The following ZNF284 variants were observed in gnomAD, a reference collection of about 807,000 sequenced individuals.
ZNF284 encodes the protein zinc finger protein 284.
In ZNF284, 12 loss-of-function variants were observed where a neutral mutation model predicts 12.9. That is an observed-to-expected ratio of 0.93 (90% CI 0.60 to 1.51). The LOEUF (loss-of-function observed/expected upper bound fraction) is 1.51, where lower values mean the gene tolerates loss of function less well. Ranked by LOEUF, ZNF284 falls within the 40% of genes most tolerant of loss-of-function variation. ZNF284 has a pLI of 0.00. For synonymous variants in ZNF284, 225 were observed against 236.5 expected (o/e 0.95, Z 0.45); for missense variants, 667 against 707.3 (o/e 0.94, Z 0.65).
chr19:44,073,561 T>TTTTTTTA (rs1966980885), intron 1 of ZNF284, among the ~76,000 whole-genome samples: 3 of 140,202 alleles, frequency 2.1e-5, no homozygotes, highest in South Asian at 4.7e-4. Flanking sequence ...TTTTTTTTTT[T>TTTTTTTA]GAGACAGAGT....
intron 4 of ZNF284, among the ~76,000 whole-genome samples, chr19:44,082,385 T>C (rs918941079): frequency 6.6e-6 from 1 of 152,200 alleles, no homozygotes; most frequent in Non-Finnish European, 1.5e-5. Context: ...TTACAACTGC[T>C]TTAAGTGCCT....
chr19:44,083,791 C>T (rs1055097053), intron 4 of ZNF284, among the ~76,000 whole-genome samples: 1 of 151,832 alleles, frequency 6.6e-6, no homozygotes, highest in African/African-American at 2.4e-5. Context: ...GCTATGTGTA[C>T]CGGTGTTAGA....
rs766942188 is a variant in ZNF284 at position 44,086,098 on chromosome 19, T to G, written c.620T>G (p.Val207Gly). The change falls in exon 5 of 5, where the codon GTG (valine) becomes GGG (glycine). Residue 207 changes from valine (V) to glycine (G), a missense_variant. Val to Gly is a moderately radical substitution (Grantham distance 109). Transcript: ENST00000421176. ...HMGEKRYKCD[V>G]CSKAFSQNSQ... ...GGAGAGAAACGCTATAAGTGTGATG[T>G]GTGTAGTAAGGCATTTAGTCAGAAC... is the stretch of plus-strand genomic sequence containing the variant. 1.9e-6 allele frequency: 3 copies of G among 1,614,222 alleles called. No individual in the cohort carries two copies. Among genetic ancestry groups the G allele is most frequent in the Non-Finnish European group, 2.5e-6 (3 of 1,180,042 alleles).
At chr19:44,080,026 G>A (rs1967096296) in intron 2 of ZNF284, among the ~76,000 whole-genome samples, 2 of 152,162 alleles carry the variant, frequency 1.3e-5, no homozygotes, top group Admixed American at 1.3e-4. Flanking sequence ...GCTTATTCCT[G>A]GAGAAAACTG....
chr19:44,083,450 A>ATATATATATATATATATATATATAT (rs1967159140), intron 4 of ZNF284, among the ~76,000 whole-genome samples: 1 of 60,356 alleles, frequency 1.7e-5, no homozygotes, highest in Non-Finnish European at 4.0e-5. Context: ...TAAATAAAGA[A>ATATATATATATATATATATATATAT]ATATATATAT....
intron 3 of ZNF284, among the ~76,000 whole-genome samples, chr19:44,081,619 G>A (rs1312096779): frequency 6.6e-6 from 1 of 152,124 alleles, no homozygotes; most frequent in Non-Finnish European, 1.5e-5. Context: ...GGCTGAGGCG[G>A]GTAAATGGCG....
rs140374593 is a variant in ZNF284 at position 44,082,838 on chromosome 19, C to T, written c.235+733C>T. 1.0e-3 allele frequency among the ~76,000 whole-genome samples: 157 copies of T among 152,250 alleles called. 1 individual carries two copies. Among genetic ancestry groups the T allele is most frequent in the African/African-American group, 3.5e-3 (144 of 41,546 alleles). Reference sequence around the variant, plus strand: ...TTGGGTCCCTTGCGATTGGATTGGTCACTCCTGCATAATCTAGAATGACCT... The same window carrying T: ...TTGGGTCCCTTGCGATTGGATTGGTTACTCCTGCATAATCTAGAATGACCT... On this transcript the variant is annotated intron_variant, in intron 4 of 4. Transcript: ENST00000421176.
At chr19:44,074,801 T>C (rs1312561717) in intron 1 of ZNF284, among the ~76,000 whole-genome samples, 4 of 152,166 alleles carry the variant, frequency 2.6e-5, no homozygotes, top group African/African-American at 9.7e-5. Flanking sequence ...AAACCCCATC[T>C]CTACTAAAAA....
rs1165894043 is a variant in ZNF284 at position 44,087,185 on chromosome 19, T to G, written c.1707T>G (p.Cys569Trp). 5.0e-6 allele frequency: 8 copies of G among 1,613,756 alleles called. No homozygotes were observed. The highest frequency in any genetic ancestry group is 6.8e-6 in the Non-Finnish European group (8 of 1,179,700). ...ACAGTGGAGAAAAAACATCCAAATG[T>G]GAGGACTGTGGGAAGCGCTACGAGA... ...SDHSGEKTSKCEDCGKRYERR... is the reference protein window; with the variant it reads ...SDHSGEKTSKWEDCGKRYERR... The change falls in exon 5 of 5, where the codon TGT becomes TGG. Residue 569 changes from cysteine (C) to tryptophan (W), a missense_variant. Cys to Trp is a radical substitution (Grantham distance 215). Transcript: ENST00000421176.
rs774348062 is a variant in ZNF284 at position 44,081,054 on chromosome 19, G to A, written c.55G>A (p.Glu19Lys). 5 of 1,612,872 alleles carry A rather than the reference G, an allele frequency of 3.1e-6. No homozygotes were observed. The highest frequency in any genetic ancestry group is 2.2e-5 in the East Asian group (1 of 44,858). The part of the protein sequence containing the change: ...TFKDVAVVFT[E>K]EELGLLDVSQ... ...CAAGGATGTGGCTGTGGTCTTCACC[G>A]AGGAGGAGCTGGGGCTGCTGGACGT... is the stretch of plus-strand genomic sequence containing the variant. The change falls in exon 3 of 5, where the codon GAG (glutamate) becomes AAG (lysine). Residue 19 changes from glutamate (E) to lysine (K), a missense_variant. Coordinates refer to ENST00000421176, the MANE Select transcript of ZNF284 (RefSeq NM_001037813.4).
intron 2 of ZNF284, 67 bp from the exon 3 acceptor site, chr19:44,080,948 T>C: frequency 6.4e-7 from 1 of 1,558,260 alleles, no homozygotes; most frequent in African/African-American, 1.4e-5. Flanking sequence ...CTTCACCTGC[T>C]CATTGCCACC....
intron 4 of ZNF284, 118 bp from the exon 5 acceptor site, chr19:44,085,596 A>G (rs1967219139): frequency 1.1e-6 from 1 of 937,694 alleles, no homozygotes. Context: ...CACTTGGAAA[A>G]CACAAACTGT....
chr19:44,075,177 T>A (rs1967008138), intron 1 of ZNF284, among the ~76,000 whole-genome samples: 1 of 152,178 alleles, frequency 6.6e-6, no homozygotes, highest in East Asian at 1.9e-4. Flanking sequence ...TTTCTTCTTT[T>A]GGTCCTTATA....
At chr19:44,082,945 A>G (rs1447145694) in intron 4 of ZNF284, among the ~76,000 whole-genome samples, 1 of 152,210 alleles carries the variant, frequency 6.6e-6, no homozygotes, top group African/African-American at 2.4e-5. Flanking sequence ...TAACAGGTTC[A>G]TAGGTCCTGG....
In ZNF284 at chr19:44,073,292, GAATCTAGTGGGGA is replaced by G. The variant is rs1253576415; in HGVS notation, c.-69+1004_-69+1016del. Among the ~76,000 whole-genome samples the G allele has an allele frequency of 4.6e-5, 7 of 152,322 alleles. No homozygotes were observed. The East Asian group carries it at 1.4e-3, about 29-fold the overall frequency. ...CTCATTGAGGCAGAGGAACTAGCTG[GAATCTAGTGGGGA>G]AAGCAAGCTAGGACTTGATTGAAGG... On this transcript the variant is annotated intron_variant, in intron 1 of 4. Transcript: ENST00000421176.
At chr19:44,078,002 C>A (rs1967060444) in intron 2 of ZNF284, among the ~76,000 whole-genome samples, 1 of 152,082 alleles carries the variant, frequency 6.6e-6, no homozygotes. Context: ...TCTTTAAATT[C>A]CTAATGGCAA....
chr19:44,087,366 T>A lies in ZNF284; in HGVS notation c.*106T>A, dbSNP rs185110000. On this transcript the variant is annotated 3_prime_UTR_variant, in exon 5 of 5. Coordinates refer to ENST00000421176, the MANE Select transcript of ZNF284 (RefSeq NM_001037813.4). ...ATCCATCACCTCCTTTATCATTTAT[T>A]TGTGGATCATTTATCATTTCTTTGT... 5.7e-3 allele frequency: 5,115 copies of A among 891,082 alleles called. 41 individuals carry two copies. Among genetic ancestry groups the A allele is most frequent in the South Asian group, 0.029 (1,134 of 39,180 alleles). The allele number at this position is 891,082 out of a possible 1,614,324, so 55.2% of individuals were successfully genotyped here. A position where few individuals can be genotyped will look rare whatever the true frequency, so the allele number is the denominator to read the frequency against.
chr19:44,088,628 TG>T lies in ZNF284; in HGVS notation c.*1370del, dbSNP rs1967300843. The T allele has an allele frequency of 6.6e-6, 1 of 152,210 alleles. No homozygotes were observed. The allele number at this position is 152,210 out of a possible 1,614,324, so 9.4% of individuals were successfully genotyped here. A position where few individuals can be genotyped will look rare whatever the true frequency, so the allele number is the denominator to read the frequency against. Reference sequence around the variant, plus strand: ...AAAAACCATGGAAGTGTGGAGATTGTGGTACATGCTTCAGTCAGGGCTCACA... The same window carrying T: ...AAAAACCATGGAAGTGTGGAGATTGTGTACATGCTTCAGTCAGGGCTCACA... On this transcript the variant is annotated 3_prime_UTR_variant, in exon 5 of 5. Coordinates refer to ENST00000421176, the MANE Select transcript of ZNF284 (RefSeq NM_001037813.4).
intron 2 of ZNF284, among the ~76,000 whole-genome samples, chr19:44,076,839 A>C (rs1330910828): frequency 1.4e-5 from 2 of 142,268 alleles, no homozygotes; most frequent in African/African-American, 2.6e-5. Flanking sequence ...TTTTTCCTCG[A>C]GACAGAGCCT....
Sources: allele counts gnomAD v4.1 joint callset (sites outside exome capture counted in the v4.1 genomes callset), GRCh38; gene constraint gnomAD v4.1.1; transcripts MANE v1.5; gene names NCBI Gene and HGNC (gene_info 2026-07-23, HGNC 2026-07-21).